The following FAT1 variants were observed in gnomAD, a reference collection of about 807,000 sequenced individuals.
The protein encoded by FAT1 is FAT atypical cadherin 1.
A neutral mutation model predicts 329.8 loss-of-function variants in FAT1; 171 were observed. The ratio of observed to expected loss-of-function variants is 0.52; its 90% CI spans 0.46 to 0.59. The LOEUF (loss-of-function observed/expected upper bound fraction) is 0.59, where lower values mean the gene tolerates loss of function less well. FAT1 is among the 20% of genes least tolerant of loss of function. FAT1 has a pLI of 0.00. For missense variants in FAT1, 5,672 were observed against 5,774.4 expected, an observed-to-expected ratio of 0.98 and a Z score of 0.57; for synonymous variants, 2,233 against 2,228.6, an observed-to-expected ratio of 1.00 and a Z score of -0.06.
chr4:186,631,085 TC>T (rs1173746100), intron 7 of FAT1, among the ~76,000 whole-genome samples: 3 of 152,104 alleles, frequency 2.0e-5, no homozygotes, highest in Non-Finnish European at 4.4e-5. Flanking sequence ...CCCGCTTGAC[TC>T]ACCAACGGCT....
rs376344008 is a variant in FAT1 at position 186,628,653 on chromosome 4, G to C, written c.4434C>G (p.Ile1478Met). Residue 1478 changes from isoleucine to methionine, a missense_variant, in exon 8 of 27, where the codon ATC (isoleucine) becomes ATG (methionine). Around this residue, in one of 2 missense-constraint regions of FAT1, gnomAD observed 3,966 missense variants for 3,915.2 expected, o/e 1.01. Coordinates refer to ENST00000441802, the MANE Select transcript of FAT1 (RefSeq NM_005245.4). Reference sequence around the variant, plus strand: ...TTTTCTCATCCTGATCCACAGCACTGATTTGCAAAATTTCTGTTTCTGGCG... The same window carrying C: ...TTTTCTCATCCTGATCCACAGCACTCATTTGCAAAATTTCTGTTTCTGGCG... Reference protein sequence around the residue: ...DTAPETEILQISAVDQDEKNK... With the variant: ...DTAPETEILQMSAVDQDEKNK... 46 of 1,613,872 alleles carry C rather than the reference G, an allele frequency of 2.9e-5. 2 individuals are homozygous for C. In the Admixed American group the frequency reaches 3.0e-4, roughly 11 times the overall value.
intron 9 of FAT1, among the ~76,000 whole-genome samples, chr4:186,624,880 C>CA (rs1740224940): frequency 6.6e-6 from 1 of 152,224 alleles, no homozygotes; most frequent in Admixed American, 6.5e-5. Flanking sequence ...ACCCCTTCCA[C>CA]AAAATTCTAC....
intron 2 of FAT1, among the ~76,000 whole-genome samples, chr4:186,677,502 T>A (rs1743013040): frequency 6.6e-6 from 1 of 152,028 alleles, no homozygotes; most frequent in Admixed American, 6.6e-5. Context: ...TTTTTTTTTT[T>A]AATGAAGAAC....
At chr4:186,626,023 A>C (rs1740287605) in intron 9 of FAT1, among the ~76,000 whole-genome samples, 2 of 146,316 alleles carry the variant, frequency 1.4e-5, no homozygotes, top group South Asian at 2.3e-4. Flanking sequence ...AGAATGAATG[A>C]ATGAATGAAT....
In FAT1 at chr4:186,597,074, C is replaced by T. The variant is rs199692977; in HGVS notation, c.12466G>A (p.Glu4156Lys). 61 of 1,613,908 alleles carry T rather than the reference C, an allele frequency of 3.8e-5. No homozygotes were observed. The African/African-American group carries it at 4.0e-4, about 11-fold the overall frequency. ...HGSYHCNCSHEYRGRHCEDAA... is the reference protein window; with the variant it reads ...HGSYHCNCSHKYRGRHCEDAA... Reference sequence around the variant, plus strand: ...TCCTCGCAGTGACGTCCCCTGTACTCGTGGCTGCAGTTGCAGTGATAGGAG... The same window carrying T: ...TCCTCGCAGTGACGTCCCCTGTACTTGTGGCTGCAGTTGCAGTGATAGGAG... The change falls in exon 25 of 27, where the codon GAG (glutamate) becomes AAG (lysine). Residue 4156 changes from glutamate (E) to lysine (K), a missense_variant. Coordinates refer to ENST00000441802, the MANE Select transcript of FAT1 (RefSeq NM_005245.4).
At position 186,663,325 on chromosome 4, in the gene FAT1, C is replaced by T. The variant is rs951472406; in HGVS notation, c.3554G>A (p.Gly1185Glu). The T allele has an allele frequency of 3.1e-6, 5 of 1,613,536 alleles. No homozygotes were observed. The highest frequency in any genetic ancestry group is 4.2e-6 in the Non-Finnish European group (5 of 1,179,668). The part of the protein sequence containing the change: ...MYKITSGNPQ[G>E]FFSIHPKTGL... ...TGTTTTAGGATGTATTGAAAAGAAT[C>T]CTTGTGGATTTCCACTTGTAATTTT... The change falls in exon 3 of 27, where the codon GGA (glycine) becomes GAA (glutamate). Residue 1185 changes from glycine (G) to glutamate (E), a missense_variant. Coordinates refer to ENST00000441802, the MANE Select transcript of FAT1 (RefSeq NM_005245.4).
At position 186,709,458 on chromosome 4, in the gene FAT1, C is replaced by G. The variant is rs2126704364; in HGVS notation, c.370G>C (p.Glu124Gln). The part of the protein sequence containing the change: ...DHYTLIVKAL[E>Q]KNTNVEARTK... Reference sequence around the variant, plus strand: ...CGCGCCTCCACATTAGTATTTTTTTCAAGTGCTTTCACTATCAATGTGTAG... The same window carrying G: ...CGCGCCTCCACATTAGTATTTTTTTGAAGTGCTTTCACTATCAATGTGTAG... The change falls in exon 2 of 27, where the codon GAA becomes CAA. Residue 124 changes from glutamate (E) to glutamine (Q), a missense_variant. Coordinates refer to ENST00000441802, the MANE Select transcript of FAT1 (RefSeq NM_005245.4). The G allele has an allele frequency of 6.2e-7, 1 of 1,613,930 alleles. No homozygotes were observed. Among genetic ancestry groups the G allele is most frequent in the African/African-American group, 1.3e-5 (1 of 75,020 alleles).
chr4:186,694,779 T>C (rs927703499), intron 2 of FAT1, among the ~76,000 whole-genome samples: 1 of 152,124 alleles, frequency 6.6e-6, no homozygotes, highest in East Asian at 1.9e-4. Context: ...CTAGCCAACA[T>C]GGTGAAACCC....
intron 2 of FAT1, among the ~76,000 whole-genome samples, chr4:186,666,985 A>G (rs1315653076): frequency 6.6e-6 from 1 of 152,240 alleles, no homozygotes; most frequent in Non-Finnish European, 1.5e-5. Flanking sequence ...TAATGTGGTA[A>G]TTTGGGAAAG....
upstream of FAT1, among the ~76,000 whole-genome samples, chr4:186,725,930 G>A (rs948843595): frequency 6.6e-6 from 1 of 152,160 alleles, no homozygotes; most frequent in Non-Finnish European, 1.5e-5. The surrounding 1 kb of genome is among the most constrained non-coding windows in gnomAD (Gnocchi z 5.4). Flanking sequence ...GTGAGCAAGC[G>A]CCCACGTCGC....
At chr4:186,603,065 A>C in intron 19 of FAT1, 31 bp from the exon 20 acceptor site, 4 of 1,613,518 alleles carry the variant, frequency 2.5e-6, no homozygotes, top group Non-Finnish European at 3.4e-6. Flanking sequence ...AAGGGAAAAG[A>C]TAATTAACAG....
At chr4:186,605,441 T>G (rs925858980) in intron 17 of FAT1, among the ~76,000 whole-genome samples, 36 of 38,496 alleles carry the variant, frequency 9.4e-4, no homozygotes, top group Admixed American at 1.9e-3. Flanking sequence ...GGGGAGGAGG[T>G]GGAGTGGGGA....
intron 2 of FAT1, among the ~76,000 whole-genome samples, chr4:186,690,450 C>A (rs1743702456): frequency 6.6e-6 from 1 of 152,186 alleles, no homozygotes; most frequent in African/African-American, 2.4e-5. Context: ...GTAATCCCAG[C>A]ACCTGGAGGC....
At chr4:186,615,257 G>A (rs1484041212) in intron 11 of FAT1, among the ~76,000 whole-genome samples, 1 of 152,060 alleles carries the variant, frequency 6.6e-6, no homozygotes, top group African/African-American at 2.4e-5. Context: ...AAAATATAAA[G>A]TACAAATAAG....
intron 2 of FAT1, among the ~76,000 whole-genome samples, chr4:186,687,593 A>G (rs531242505): frequency 9.2e-5 from 14 of 152,358 alleles, no homozygotes; most frequent in African/African-American, 3.4e-4. Context: ...ACTTTGGAGC[A>G]CCAACATGGT....
At chr4:186,726,069 C>T (rs941075634), upstream of FAT1, among the ~76,000 whole-genome samples, 9 of 152,228 alleles carry the variant, frequency 5.9e-5, no homozygotes, top group African/African-American at 1.4e-4. Flanking sequence ...TCCCTAGGCA[C>T]CATTGCTATA....
intron 13 of FAT1, among the ~76,000 whole-genome samples, chr4:186,612,057 C>T (rs1332371423): frequency 1.3e-5 from 2 of 151,254 alleles, no homozygotes; most frequent in African/African-American, 4.9e-5. Flanking sequence ...GATCCACCCG[C>T]CTCGGCCTCC....
chr4:186,724,459 G>A (rs1745639285), upstream of FAT1, among the ~76,000 whole-genome samples: 1 of 152,144 alleles, frequency 6.6e-6, no homozygotes, highest in South Asian at 2.1e-4. This position sits in a 1 kb window ranked among gnomAD's most constrained non-coding sequence, Gnocchi z 5.3. Flanking sequence ...TCCCCGCCGC[G>A]GGCGCCTGGC....
At chr4:186,704,651 G>A (rs1024684222) in intron 2 of FAT1, among the ~76,000 whole-genome samples, 2 of 152,132 alleles carry the variant, frequency 1.3e-5, no homozygotes, top group Non-Finnish European at 2.9e-5. Flanking sequence ...GTTTGACTCA[G>A]CTTCAGTTGT....
Sources: allele counts gnomAD v4.1 joint callset (sites outside exome capture counted in the v4.1 genomes callset), GRCh38; gene constraint gnomAD v4.1.1; regional missense constraint gnomAD v4.1.1; non-coding constraint Gnocchi (gnomAD v3.1); transcripts MANE v1.5; gene names NCBI Gene and HGNC (gene_info 2026-07-23, HGNC 2026-07-21).